The following CNBD1 variants were observed in gnomAD, a reference collection of about 807,000 sequenced individuals.
CNBD1 encodes the protein cyclic nucleotide-binding domain-containing protein 1.
CNBD1 carries 71 observed loss-of-function variants against 54.4 expected under a neutral mutation model. The ratio of observed to expected loss-of-function variants is 1.30; its 90% CI spans 1.08 to 1.59. The LOEUF is 1.59. Ranked by LOEUF, CNBD1 falls within the 40% of genes most tolerant of loss-of-function variation. The probability of loss-of-function intolerance (pLI) is 0.00; values close to 1 mark genes in which losing one functional copy is unlikely to be tolerated. For missense variants in CNBD1, 659 were observed against 518.0 expected (o/e 1.27, Z -2.64); for synonymous variants, 182 against 170.7 (o/e 1.07, Z -0.51).
chr8:87,052,820 C>T (rs1275928427), intron 4 of CNBD1, among the ~76,000 whole-genome samples: 1 of 152,152 alleles, frequency 6.6e-6, no homozygotes, highest in East Asian at 1.9e-4. Context: ...TGGAAAGCCT[C>T]TATATATCAG....
At chr8:87,308,467 T>C (rs994465605) in intron 8 of CNBD1, among the ~76,000 whole-genome samples, 2 of 152,114 alleles carry the variant, frequency 1.3e-5, no homozygotes, top group Non-Finnish European at 1.5e-5. Flanking sequence ...TCTTTCATGT[T>C]GATATATAAT....
intron 3 of CNBD1, among the ~76,000 whole-genome samples, chr8:86,931,597 A>G (rs1004655434): frequency 2.0e-5 from 3 of 152,114 alleles, no homozygotes; most frequent in Admixed American, 2.0e-4. Context: ...GCCATGACTA[A>G]GGCTGTGGCC....
At chr8:87,358,559 G>A (rs979305050) in intron 10 of CNBD1, among the ~76,000 whole-genome samples, 1 of 137,050 alleles carries the variant, frequency 7.3e-6, no homozygotes, top group African/African-American at 2.6e-5. Flanking sequence ...ATTATACAAA[G>A]TTCTTCAAAA....
In CNBD1 at chr8:87,263,488, T is replaced by A. The variant is rs112339355; in HGVS notation, c.772-21190T>A. The stretch of plus-strand genomic sequence containing the variant: ...TGACTAAGATGTTACTCAGCCAACA[T>A]GTAAATAAATACACACAGTCACAAA... On this transcript the variant is annotated intron_variant, in intron 6 of 10. Transcript: ENST00000518476. Among the ~76,000 whole-genome samples the A allele has an allele frequency of 8.5e-4, 129 of 152,278 alleles. 1 individual carries two copies. Among genetic ancestry groups the A allele is most frequent in the African/African-American group, 3.1e-3 (127 of 41,570 alleles).
intron 4 of CNBD1, among the ~76,000 whole-genome samples, chr8:87,081,665 A>G (rs2130666134): frequency 6.6e-6 from 1 of 151,748 alleles, no homozygotes; most frequent in Non-Finnish European, 1.5e-5. Context: ...CACCACACCC[A>G]GCTAATTTTT....
intron 4 of CNBD1, among the ~76,000 whole-genome samples, chr8:87,080,452 CA>C (rs1470914137): frequency 1.3e-5 from 2 of 151,916 alleles, no homozygotes; most frequent in Non-Finnish European, 2.9e-5. Flanking sequence ...CGTGGTGGCA[CA>C]CACCTGTAAT....
intron 4 of CNBD1, among the ~76,000 whole-genome samples, chr8:87,050,675 C>T (rs1810293566): frequency 6.6e-6 from 1 of 152,142 alleles, no homozygotes; most frequent in Admixed American, 6.6e-5. Flanking sequence ...CATTTAGATC[C>T]CTCAGATACT....
intron 10 of CNBD1, among the ~76,000 whole-genome samples, chr8:87,377,589 C>A (rs865812527): frequency 2.0e-5 from 3 of 151,308 alleles, no homozygotes; most frequent in Non-Finnish European, 4.4e-5. Context: ...TCTTTGCTAT[C>A]GTGAATAATG....
chr8:87,385,591 G>A (rs1203862296), downstream of CNBD1, among the ~76,000 whole-genome samples: 1 of 152,108 alleles, frequency 6.6e-6, no homozygotes, highest in South Asian at 2.1e-4. Flanking sequence ...CCGTTGCCGA[G>A]GCTTGAGTAG....
chr8:87,104,354 G>A (rs986414677), intron 4 of CNBD1, among the ~76,000 whole-genome samples: 1 of 152,206 alleles, frequency 6.6e-6, no homozygotes, highest in African/African-American at 2.4e-5. Context: ...TCCAAGAATG[G>A]CTGTGAGAAT....
At chr8:87,232,611 CA>C (rs149010349) in intron 5 of CNBD1, among the ~76,000 whole-genome samples, 1,684 of 151,968 alleles carry the variant, frequency 0.011, 25 homozygotes, top group African/African-American at 0.038. Flanking sequence ...CAGCATTTTA[CA>C]AAATTAAAAA....
intron 1 of CNBD1, among the ~76,000 whole-genome samples, chr8:86,877,133 G>A (rs1808532312): frequency 6.6e-6 from 1 of 151,754 alleles, no homozygotes; most frequent in Non-Finnish European, 1.5e-5. Flanking sequence ...ATCTTTAAAT[G>A]TTATTAAATA....
intron 6 of CNBD1, among the ~76,000 whole-genome samples, chr8:87,269,614 C>G (rs1333624258): frequency 6.6e-6 from 1 of 151,972 alleles, no homozygotes; most frequent in African/African-American, 2.4e-5. Flanking sequence ...TTTTGTAATT[C>G]TCATTGTGAA....
chr8:87,077,671 G>T (rs1810903147), intron 4 of CNBD1, among the ~76,000 whole-genome samples: 1 of 150,374 alleles, frequency 6.7e-6, no homozygotes, highest in African/African-American at 2.4e-5. Flanking sequence ...TGTGGCGTTT[G>T]GTTTTCTGTC....
chr8:87,304,459 G>A (rs1002774856), intron 8 of CNBD1, among the ~76,000 whole-genome samples: 2 of 151,926 alleles, frequency 1.3e-5, no homozygotes, highest in African/African-American at 4.8e-5. Context: ...ACACAGGAAG[G>A]GGAACATCAC....
intron 2 of CNBD1, among the ~76,000 whole-genome samples, chr8:86,889,783 C>G (rs1808738823): frequency 6.6e-6 from 1 of 152,078 alleles, no homozygotes; most frequent in African/African-American, 2.4e-5. Flanking sequence ...GTGCTTCCTA[C>G]TCCTTGACAT....
intron 4 of CNBD1, among the ~76,000 whole-genome samples, chr8:87,048,880 G>GT (rs1810254743): frequency 6.6e-6 from 1 of 152,146 alleles, no homozygotes; most frequent in Admixed American, 6.5e-5. Context: ...TTTTTAGTAG[G>GT]TTTTCCCCCC....
At chr8:87,135,675 AT>A (rs1483850719) in intron 4 of CNBD1, among the ~76,000 whole-genome samples, 1 of 148,584 alleles carries the variant, frequency 6.7e-6, no homozygotes, top group African/African-American at 2.5e-5. Flanking sequence ...TGCATATAAT[AT>A]ATATGCAATT....
chr8:87,035,476 T>C (rs1809906949), intron 4 of CNBD1, among the ~76,000 whole-genome samples: 1 of 152,224 alleles, frequency 6.6e-6, no homozygotes, highest in Non-Finnish European at 1.5e-5. Flanking sequence ...TTATTACATA[T>C]ACTTCAATTT....
Sources: allele counts gnomAD v4.1 joint callset (sites outside exome capture counted in the v4.1 genomes callset), GRCh38; gene constraint gnomAD v4.1.1; transcripts MANE v1.5; gene names NCBI Gene and HGNC (gene_info 2026-07-23, HGNC 2026-07-21).